Variants in PCDHA3 observed in about 807,000 individuals in gnomAD.
The protein encoded by PCDHA3 is protocadherin alpha-3.
Under a neutral mutation model 62.2 loss-of-function variants are expected in PCDHA3, and 41 were observed. That is an observed-to-expected ratio of 0.66 (90% CI 0.51 to 0.86). PCDHA3 has a LOEUF of 0.86. PCDHA3 is among the 40% of genes least tolerant of loss of function. PCDHA3 has a pLI of 0.00. For missense variants in PCDHA3, 1,304 were observed against 1,241.2 expected (o/e 1.05, Z -0.76); for synonymous variants, 640 against 555.4 (o/e 1.15, Z -2.14).
At chr5:140,807,203 G>C (rs1562206612) in intron 1 of PCDHA3, 1 of 1,613,738 alleles carries the variant, frequency 6.2e-7, no homozygotes, top group Non-Finnish European at 8.5e-7. Flanking sequence ...GTTTTCCTGG[G>C]GAAGCGGCCA....
At chr5:140,989,810 AT>A (rs2097361628) in intron 3 of PCDHA3, among the ~76,000 whole-genome samples, 1 of 152,192 alleles carries the variant, frequency 6.6e-6, no homozygotes, top group Non-Finnish European at 1.5e-5. Context: ...GGGCCATAAG[AT>A]TGGTCACTGC....
rs151317539 is a variant in PCDHA3, at chr5:140,820,743, GTA to G, written c.2394+17154_2394+17155del. On this transcript the variant is annotated intron_variant, in intron 1 of 3. Transcript: ENST00000522353. ...TGGAACCTAAACATTTTGTGAAATA[GTA>G]TGTCATATAGACAATATTAGGATTT... 4.0e-3 allele frequency among the ~76,000 whole-genome samples: 604 copies of G among 152,120 alleles called. 4 individuals are homozygous for G. Among genetic ancestry groups the G allele is most frequent in the African/African-American group, 0.014 (583 of 41,538 alleles).
At chr5:140,823,114 G>A (rs2150122478) in intron 1 of PCDHA3, 2 of 1,614,100 alleles carry the variant, frequency 1.2e-6, no homozygotes, top group South Asian at 1.1e-5. Flanking sequence ...AGTGGCCGAC[G>A]TGAACGACAA....
At chr5:140,851,695 G>T in intron 1 of PCDHA3, 1 of 939,814 alleles carries the variant, frequency 1.1e-6, no homozygotes, top group Non-Finnish European at 1.3e-6. Flanking sequence ...GTGATAAAAT[G>T]ATCAGCCATG....
At chr5:140,928,718 T>C in intron 1 of PCDHA3, 1 of 1,614,174 alleles carries the variant, frequency 6.2e-7, no homozygotes, top group East Asian at 2.2e-5. Context: ...TCTAGTCTCT[T>C]TAGAATTTCA....
intron 1 of PCDHA3, among the ~76,000 whole-genome samples, chr5:140,855,693 A>G (rs2043577719): frequency 6.7e-6 from 1 of 149,800 alleles, no homozygotes; most frequent in African/African-American, 2.5e-5. Context: ...TTAAGAAAAC[A>G]TTGCACGTGG....
In PCDHA3 at chr5:140,968,959, C is replaced by T. The variant is rs782079520; in HGVS notation, c.2395-9990C>T. ...TCATCATTTTGAGCATCATCAAGTG[C>T]TACCGCTACACTGCGTATGGCACTG... On this transcript the variant is annotated intron_variant, in intron 1 of 3. Transcript: ENST00000522353. The T allele has an allele frequency of 1.5e-5, 25 of 1,614,182 alleles. 1 individual carries two copies. In the Middle Eastern group the frequency reaches 1.8e-3, roughly 117 times the overall value.
intron 1 of PCDHA3, among the ~76,000 whole-genome samples, chr5:140,941,214 CCTTT>C (rs60032403): frequency 6.5e-5 from 8 of 122,492 alleles, no homozygotes; most frequent in Non-Finnish European, 1.2e-4. Context: ...TTTCTTTCTT[CCTTT>C]CTTTCTTTCT....
intron 3 of PCDHA3, among the ~76,000 whole-genome samples, chr5:141,008,684 G>A (rs1426948038): frequency 2.0e-5 from 3 of 152,236 alleles, no homozygotes; most frequent in South Asian, 4.2e-4. Flanking sequence ...TTTAGTTATT[G>A]CATGTATTAA....
chr5:140,836,796 CCTT>C (rs2150270187), intron 1 of PCDHA3: 1 of 1,377,882 alleles, frequency 7.3e-7, no homozygotes, highest in Non-Finnish European at 9.9e-7. Flanking sequence ...CAATTGGTCT[CCTT>C]AAATTTTCTT....
chr5:140,809,506 C>T (rs1764485255), intron 1 of PCDHA3: 1 of 1,614,088 alleles, frequency 6.2e-7, no homozygotes, highest in Non-Finnish European at 8.5e-7. Context: ...TGGCCTTCAG[C>T]CCCAGTTTAC....
chr5:140,970,948 C>A (rs1339410112), intron 1 of PCDHA3, among the ~76,000 whole-genome samples: 2 of 152,114 alleles, frequency 1.3e-5, no homozygotes, highest in East Asian at 3.8e-4. Flanking sequence ...TGCTGAGAAA[C>A]CATGGGAGGC....
intron 1 of PCDHA3, among the ~76,000 whole-genome samples, chr5:140,963,206 A>C (rs988428405): frequency 2.0e-5 from 3 of 152,084 alleles, no homozygotes; most frequent in East Asian, 1.9e-4. Flanking sequence ...GAAAAAAAAA[A>C]CCTCGTGTTT....
chr5:140,823,173 C>G lies in PCDHA3; in HGVS notation c.2394+19582C>G, dbSNP rs2150123089. On this transcript the variant is annotated intron_variant, in intron 1 of 3. Transcript: ENST00000522353. ...AGTATACCGTGTTCGTGAAGGAGAA[C>G]AACCCGCCAGGCTGCCACATCTTCA... is the stretch of plus-strand genomic sequence containing the variant. The G allele has an allele frequency of 2.5e-6, 4 of 1,613,906 alleles. No homozygotes were observed. The African/African-American group carries it at 5.3e-5, about 22-fold the overall frequency.
chr5:140,911,234 C>T (rs1554194655), intron 1 of PCDHA3, among the ~76,000 whole-genome samples: 1 of 151,890 alleles, frequency 6.6e-6, no homozygotes, highest in East Asian at 1.9e-4. Context: ...TTTCTTCTGG[C>T]AAAAAAAGTT....
chr5:140,882,182 G>A (rs1357141908), intron 1 of PCDHA3: 1 of 1,518,510 alleles, frequency 6.6e-7, no homozygotes, highest in Non-Finnish European at 8.8e-7. Context: ...TCCGCACTAG[G>A]AAGCCATAAA....
chr5:140,993,460 T>TCACACACA (rs1554253699), intron 3 of PCDHA3, among the ~76,000 whole-genome samples: 14 of 104,506 alleles, frequency 1.3e-4, no homozygotes, highest in African/African-American at 2.4e-4. Flanking sequence ...CTTCTTTCTT[T>TCACACACA]CTCACACACA....
intron 1 of PCDHA3, among the ~76,000 whole-genome samples, chr5:140,892,929 C>T (rs1259333006): frequency 2.6e-5 from 4 of 152,174 alleles, no homozygotes; most frequent in Non-Finnish European, 5.9e-5. Flanking sequence ...TTCCCAGCCT[C>T]TGATAAGCAC....
intron 1 of PCDHA3, chr5:140,823,085 C>G: frequency 6.2e-7 from 1 of 1,613,970 alleles, no homozygotes; most frequent in South Asian, 1.1e-5. Flanking sequence ...CTGTGGGCCA[C>G]CGCCAGCGTG....
Sources: gnomAD v4.1 joint callset for allele counts (sites outside exome capture counted in the v4.1 genomes callset) on GRCh38, gnomAD v4.1.1 for gene constraint, MANE v1.5 for transcripts, NCBI Gene and HGNC (gene_info 2026-07-23, HGNC 2026-07-21) for gene names.